ZNF407: variants seen among roughly 807,000 people sequenced by gnomAD.
ZNF407 encodes zinc finger protein 407.
Under a neutral mutation model 131.2 loss-of-function variants are expected in ZNF407, and 17 were observed. The observed-to-expected ratio is 0.13, with a 90% CI of 0.09 to 0.19. The LOEUF is 0.19. Among genes scored for constraint, ZNF407 ranks in the 10% least tolerant of loss-of-function variants. The pLI is 1.00. For synonymous variants in ZNF407, 1,156 were observed against 1,062.0 expected (o/e 1.09, Z -1.72); for missense variants, 2,681 against 2,830.6 (o/e 0.95, Z 1.20).
At chr18:74,789,749 C>G (rs1969790393) in intron 4 of ZNF407, among the ~76,000 whole-genome samples, 1 of 152,128 alleles carries the variant, frequency 6.6e-6, no homozygotes, top group Non-Finnish European at 1.5e-5. Flanking sequence ...TCCCCAGTCA[C>G]TAATTTAGTT....
At chr18:74,602,720 G>A (rs1161233616) in intron 1 of ZNF407, among the ~76,000 whole-genome samples, 1 of 152,124 alleles carries the variant, frequency 6.6e-6, no homozygotes, top group Non-Finnish European at 1.5e-5. Flanking sequence ...TCTGACTTCC[G>A]AACCCCTATT....
intron 8 of ZNF407, among the ~76,000 whole-genome samples, chr18:75,007,297 T>C (rs535637243): frequency 3.3e-5 from 5 of 152,348 alleles, no homozygotes; most frequent in East Asian, 1.9e-4. Context: ...CCTCATTCCA[T>C]CTTTTTTCTT....
chr18:74,809,767 T>C (rs960535275), intron 4 of ZNF407, among the ~76,000 whole-genome samples: 2 of 152,182 alleles, frequency 1.3e-5, no homozygotes, highest in Non-Finnish European at 2.9e-5. Context: ...CATGTACCAT[T>C]AGAGTGTATG....
At chr18:74,996,149 G>A (rs1459084433) in intron 8 of ZNF407, among the ~76,000 whole-genome samples, 2 of 152,144 alleles carry the variant, frequency 1.3e-5, no homozygotes, top group Admixed American at 6.5e-5. Flanking sequence ...CGCTGAAAAC[G>A]GAGGCAGGAC....
chr18:74,746,935 G>T (rs898835112), intron 3 of ZNF407, among the ~76,000 whole-genome samples: 1 of 152,094 alleles, frequency 6.6e-6, no homozygotes, highest in Admixed American at 6.6e-5. Context: ...ACCTTTATAT[G>T]TTTGACAGCA....
At chr18:74,891,369 T>G (rs1221230078) in intron 7 of ZNF407, among the ~76,000 whole-genome samples, 1 of 152,220 alleles carries the variant, frequency 6.6e-6, no homozygotes, top group African/African-American at 2.4e-5. Context: ...CAGCCCACTT[T>G]TGTTGAATAT....
At chr18:74,844,005 A>T (rs529151220) in intron 4 of ZNF407, among the ~76,000 whole-genome samples, 2 of 152,300 alleles carry the variant, frequency 1.3e-5, no homozygotes, top group South Asian at 4.1e-4. Context: ...AATATAGATG[A>T]AAGTGTTGAA....
chr18:74,607,535 G>A (rs978379417), intron 1 of ZNF407, among the ~76,000 whole-genome samples: 15 of 151,994 alleles, frequency 9.9e-5, no homozygotes, highest in Admixed American at 5.9e-4. Context: ...ATTTTCAGTC[G>A]TAAATTTGGA....
intron 7 of ZNF407, among the ~76,000 whole-genome samples, chr18:74,916,120 AGT>A (rs367957127): frequency 0.23 from 1,639 of 7,218 alleles, 442 homozygotes; most frequent in Non-Finnish European, 0.32. Context: ...TCGAATCGGG[AGT>A]GTGTGTGTGT....
chr18:74,745,057 C>T (rs879939178), intron 3 of ZNF407, among the ~76,000 whole-genome samples: 3 of 152,038 alleles, frequency 2.0e-5, no homozygotes, highest in Non-Finnish European at 2.9e-5. Flanking sequence ...GGACACAACA[C>T]GTATCGTAGT....
intron 4 of ZNF407, among the ~76,000 whole-genome samples, chr18:74,811,423 A>G (rs12971110): frequency 0.3 from 46,172 of 151,438 alleles, 7,763 homozygotes; most frequent in African/African-American, 0.43. Flanking sequence ...TACACTGTTG[A>G]TGGGACTGTA....
At chr18:74,860,956 G>A (rs1202858772) in intron 4 of ZNF407, among the ~76,000 whole-genome samples, 1 of 152,008 alleles carries the variant, frequency 6.6e-6, no homozygotes, top group Non-Finnish European at 1.5e-5. Flanking sequence ...GATTTCTGAG[G>A]TCGTACTACA....
At chr18:74,720,926 G>GC (rs1004500681) in intron 3 of ZNF407, among the ~76,000 whole-genome samples, 1 of 10,450 alleles carries the variant, frequency 9.6e-5, no homozygotes, top group South Asian at 0.013. Context: ...GATACCTTCA[G>GC]CTTTTTTTTT....
At chr18:74,843,318 A>G (rs921745056) in intron 4 of ZNF407, among the ~76,000 whole-genome samples, 5 of 152,142 alleles carry the variant, frequency 3.3e-5, no homozygotes, top group African/African-American at 9.7e-5. Flanking sequence ...CTATATTTCT[A>G]GATCGTTTAT....
intron 8 of ZNF407, among the ~76,000 whole-genome samples, chr18:75,015,901 GC>G (rs1193372311): frequency 1.3e-5 from 2 of 151,978 alleles, no homozygotes; most frequent in Non-Finnish European, 2.9e-5. Flanking sequence ...AGATATAAAT[GC>G]AAGCAATTGT....
At chr18:74,670,976 A>G (rs528787471) in intron 3 of ZNF407, among the ~76,000 whole-genome samples, 4 of 152,108 alleles carry the variant, frequency 2.6e-5, no homozygotes, top group Non-Finnish European at 5.9e-5. Context: ...CATCTTGACC[A>G]TTTTTGAGTG....
intron 7 of ZNF407, among the ~76,000 whole-genome samples, chr18:74,902,365 G>A (rs1018450769): frequency 2.0e-5 from 3 of 152,192 alleles, no homozygotes; most frequent in African/African-American, 7.2e-5. Context: ...CTCAGATCCC[G>A]GAGGAGATTG....
chr18:74,945,227 G>A (rs1427139471), intron 8 of ZNF407, among the ~76,000 whole-genome samples: 2 of 152,092 alleles, frequency 1.3e-5, no homozygotes, highest in Non-Finnish European at 1.5e-5. Flanking sequence ...TTTTAAAAGC[G>A]GGAGTTGGAC....
intron 8 of ZNF407, among the ~76,000 whole-genome samples, chr18:74,973,314 T>G (rs893218914): frequency 6.6e-6 from 1 of 152,220 alleles, no homozygotes; most frequent in African/African-American, 2.4e-5. Flanking sequence ...TGTTAGACAG[T>G]GTTCTAATTT....
Sources: gnomAD v4.1 joint callset for allele counts (sites outside exome capture counted in the v4.1 genomes callset) on GRCh38, gnomAD v4.1.1 for gene constraint, MANE v1.5 for transcripts, NCBI Gene and HGNC (gene_info 2026-07-23, HGNC 2026-07-21) for gene names.